TMIGD2: variants seen among roughly 807,000 people sequenced by gnomAD.
TMIGD2 encodes the protein transmembrane and immunoglobulin domain-containing protein 2.
A neutral mutation model predicts 22.6 loss-of-function variants in TMIGD2; 18 were observed. That is an observed-to-expected ratio of 0.80 (90% confidence interval 0.55 to 1.18). The LOEUF is 1.18. Ranked by LOEUF, TMIGD2 falls within the 50% of genes most tolerant of loss-of-function variation. TMIGD2 has a pLI of 0.00. For missense variants in TMIGD2, 361 were observed against 378.2 expected (o/e 0.95, Z 0.38); for synonymous variants, 184 against 154.1 (o/e 1.19, Z -1.44).
rs553076532 is a variant in TMIGD2 at position 4,294,736 on chromosome 19, G to T, written c.448+39C>A. ...AGGAGGGGAAGGGGTGGTGATGCGGGTGGAAGACGCTGGGGGAGGAACACA... is the reference window on the plus strand; with the variant it reads ...AGGAGGGGAAGGGGTGGTGATGCGGTTGGAAGACGCTGGGGGAGGAACACA... On this transcript the variant is annotated intron_variant, in intron 3 of 4. Transcript: ENST00000301272. 2.0e-5 allele frequency: 31 copies of T among 1,573,244 alleles called. No homozygotes were observed. The Admixed American group carries it at 5.7e-4, about 29-fold the overall frequency.
intron 1 of TMIGD2, among the ~76,000 whole-genome samples, chr19:4,300,698 G>A (rs1971525377): frequency 6.6e-6 from 1 of 152,224 alleles, no homozygotes; most frequent in Non-Finnish European, 1.5e-5. Context: ...GTGTGAGAAG[G>A]AAGGTATTGG....
chr19:4,299,840 C>T (rs1209473168), intron 1 of TMIGD2, among the ~76,000 whole-genome samples: 1 of 149,480 alleles, frequency 6.7e-6, no homozygotes, highest in African/African-American at 2.5e-5. Context: ...GAGCTGAGAC[C>T]CTGCCACTGC....
In TMIGD2 at chr19:4,293,260, C is replaced by CTTTTT. The variant is rs150388447; in HGVS notation, c.563-380_563-376dup. Among the ~76,000 whole-genome samples, 267 of 112,398 alleles carry CTTTTT rather than the reference C, an allele frequency of 2.4e-3. 4 individuals carry two copies. Among genetic ancestry groups the CTTTTT allele is most frequent in the Middle Eastern group, 0.02 (3 of 150 alleles). 73.7% of individuals were successfully genotyped at this position (112,398 alleles called of 152,430 possible). A position where few individuals can be genotyped will look rare whatever the true frequency, so the allele number is the denominator to read the frequency against. On this transcript the variant is annotated intron_variant, in intron 4 of 4. Transcript: ENST00000301272. ...ACAGGCGTGAGCCACCGCGCCCGGC[C>CTTTTT]TTTTTTTTTTTTTTTTTGAGACAGT...
intron 1 of TMIGD2, among the ~76,000 whole-genome samples, chr19:4,300,539 G>C (rs1159193500): frequency 6.6e-6 from 1 of 152,208 alleles, no homozygotes; most frequent in Admixed American, 6.6e-5. Context: ...CCTGGCGACA[G>C]AGCGAGACTG....
In TMIGD2 at chr19:4,298,047, G is replaced by C. The variant is rs180744671; in HGVS notation, c.345C>G (p.Ala115=). Residue 115 remains alanine (A), a synonymous_variant, in exon 2 of 5, where the codon GCC becomes GCG. Coordinates refer to ENST00000301272, the Ensembl canonical transcript of TMIGD2. ...CCTCCTCCAACTCAGGAATCTCTAC[G>C]GCCGCCCAGCACACGTACGCCCCGC... 11 of 1,613,098 alleles carry C rather than the reference G, an allele frequency of 6.8e-6. No individual in the cohort carries two copies. In the South Asian group the frequency reaches 1.1e-4, roughly 16 times the overall value.
exon 2 of TMIGD2, chr19:4,298,167 G>A (rs1407517730): frequency 6.2e-7 from 1 of 1,613,382 alleles, no homozygotes; most frequent in Admixed American, 1.7e-5. Flanking sequence ...CCAGGCTGAG[G>A]CTGCCGTTGG....
In TMIGD2 at chr19:4,298,005, TG is replaced by T; in HGVS notation, c.386del (p.Thr129LysfsTer167). The T allele has an allele frequency of 6.2e-7, 1 of 1,602,546 alleles. No homozygotes were observed. Among genetic ancestry groups the T allele is most frequent in the Non-Finnish European group, 8.5e-7 (1 of 1,172,882 alleles). On this transcript the variant is annotated frameshift_variant, in exon 2 of 5. Transcript: ENST00000301272. LOFTEE classifies it high-confidence loss of function. The stretch of plus-strand genomic sequence containing the variant: ...CCGTACCTGGGTCCACAAAGAGCCT[TG>T]TTATGTTGCCCTCAGCCTCCTCCAA...
rs1223910504 is a variant in TMIGD2, at chr19:4,295,260, C to CAA, written c.407-446_407-445dup. 6.3e-5 allele frequency among the ~76,000 whole-genome samples: 5 copies of CAA among 79,260 alleles called. No individual in the cohort carries two copies. In the South Asian group the frequency reaches 1.3e-3, roughly 21 times the overall value. 52.0% of individuals were successfully genotyped at this position (79,260 alleles called of 152,430 possible). A position where few individuals can be genotyped will look rare whatever the true frequency, so the allele number is the denominator to read the frequency against. ...TGGGTGACAGAGCAAGACTCTGCCT[C>CAA]AAAAAAAAAAAAAAAGAAGGCCAGG... On this transcript the variant is annotated intron_variant, in intron 2 of 4. Transcript: ENST00000301272.
intron 1 of TMIGD2, among the ~76,000 whole-genome samples, 177 bp downstream of exon 1, chr19:4,302,163 C>T (rs142389824): frequency 6.6e-6 from 1 of 151,648 alleles, no homozygotes; most frequent in Non-Finnish European, 1.5e-5. Flanking sequence ...TCCTAGGGGC[C>T]CTCAGAGGAT....
intron 2 of TMIGD2, among the ~76,000 whole-genome samples, chr19:4,295,758 G>T (rs1335205979): frequency 6.6e-6 from 1 of 152,058 alleles, no homozygotes; most frequent in Non-Finnish European, 1.5e-5. Flanking sequence ...GGAAACCGAG[G>T]CTCAGAGAGC....
At chr19:4,293,027 A>G (rs1246664022) in intron 4 of TMIGD2, 142 bp from the exon 5 acceptor site, 7 of 1,271,656 alleles carry the variant, frequency 5.5e-6, no homozygotes, top group South Asian at 2.7e-5. Context: ...GCAGTGGCGC[A>G]ATCTCGGCTC....
At chr19:4,295,108 A>G (rs1971443949) in intron 2 of TMIGD2, among the ~76,000 whole-genome samples, 1 of 151,780 alleles carries the variant, frequency 6.6e-6, no homozygotes, top group South Asian at 2.1e-4. Context: ...AAAAAAATAT[A>G]AAAATTAGCC....
chr19:4,292,408 C>T, exon 5 of TMIGD2: 1 of 660,366 alleles, frequency 1.5e-6, no homozygotes, highest in Non-Finnish European at 2.7e-6. Flanking sequence ...GTGGCGCAAT[C>T]TCGGCTCACT....
intron 2 of TMIGD2, among the ~76,000 whole-genome samples, chr19:4,296,922 ACAGTG>A (rs1028615471): frequency 2.6e-5 from 4 of 152,156 alleles, no homozygotes; most frequent in African/African-American, 7.2e-5. Context: ...GGCAAAGGGG[ACAGTG>A]CATAGGGTGC....
rs540383557 is a variant in TMIGD2 at position 4,298,485 on chromosome 19, C to T, written c.47-140G>A. 7.5e-4 allele frequency: 986 copies of T among 1,320,314 alleles called. 3 individuals carry two copies. The highest frequency in any genetic ancestry group is 8.9e-4 in the Non-Finnish European group (899 of 1,005,252). 81.8% of individuals were successfully genotyped at this position (1,320,314 alleles called of 1,614,324 possible). A position where few individuals can be genotyped will look rare whatever the true frequency, so the allele number is the denominator to read the frequency against. On this transcript the variant is annotated intron_variant, in intron 1 of 4. Coordinates refer to ENST00000301272, the Ensembl canonical transcript of TMIGD2. ...GGTGCAGTGGCTCACGCCTGTAGTC[C>T]CAGCACTTTGGAAGCCCGAGGTGGG...
chr19:4,294,644 C>A (rs1333076589), exon 4 of TMIGD2: 1 of 1,602,488 alleles, frequency 6.2e-7, no homozygotes, highest in Admixed American at 1.7e-5. Context: ...CGCAGCCACA[C>A]CCATGCTTCC....
Position 4,300,463 on chromosome 19 carries a change from G to A in TMIGD2, c.46+1877C>T, listed in dbSNP as rs989354374. Among the ~76,000 whole-genome samples the A allele has an allele frequency of 5.7e-4, 80 of 140,760 alleles. 2 individuals are homozygous for A. The highest frequency in any genetic ancestry group is 5.5e-3 in the Admixed American group (77 of 14,104). The allele number at this position is 140,760 out of a possible 152,430, so 92.3% of individuals were successfully genotyped here. On this transcript the variant is annotated intron_variant, in intron 1 of 4. Transcript: ENST00000301272. ...TCCCAGCTACTCGGGAGGCTGAGGCGGGAGAATCACTTGAACCCGGGAGGC... is the reference window on the plus strand; with the variant it reads ...TCCCAGCTACTCGGGAGGCTGAGGCAGGAGAATCACTTGAACCCGGGAGGC...
At chr19:4,298,227 G>A (rs1192760245) in exon 2 of TMIGD2, 2 of 1,613,126 alleles carry the variant, frequency 1.2e-6, no homozygotes, top group Admixed American at 1.7e-5. Context: ...ACTTAACACG[G>A]AGCCGTTCCC....
At chr19:4,293,546 C>T (rs1009158127) in intron 4 of TMIGD2, among the ~76,000 whole-genome samples, 27 of 150,904 alleles carry the variant, frequency 1.8e-4, no homozygotes, top group Non-Finnish European at 7.4e-5. Flanking sequence ...ATGCATGAGC[C>T]ACTGCACCCG....
Sources: allele counts gnomAD v4.1 joint callset (sites outside exome capture counted in the v4.1 genomes callset), GRCh38; gene constraint gnomAD v4.1.1; transcripts MANE v1.5; gene names NCBI Gene and HGNC (gene_info 2026-07-23, HGNC 2026-07-21).